Variants in DPY30 observed in about 807,000 individuals in gnomAD.
The protein encoded by DPY30 is dpy-30 histone methyltransferase complex regulatory subunit, also known as protein dpy-30 homolog.
A neutral mutation model predicts 16.2 loss-of-function variants in DPY30; 6 were observed. That is an observed-to-expected ratio of 0.37 (90% CI 0.20 to 0.73). The LOEUF is 0.73. Ranked by LOEUF, DPY30 falls within the 30% of genes least tolerant of loss-of-function variation. DPY30 has a pLI of 0.51. For synonymous variants in DPY30, 39 were observed against 38.8 expected (o/e 1.00, Z -0.02); for missense variants, 73 against 113.1 (o/e 0.65, Z 1.61).
chr2:32,012,627 AG>A (rs1434472712), intron 5 of DPY30, among the ~76,000 whole-genome samples: 2 of 151,814 alleles, frequency 1.3e-5, no homozygotes, highest in Admixed American at 6.6e-5. Context: ...TAGTAGAGAC[AG>A]GGTTTCACCA....
chr2:32,015,825 A>G (rs1296339760), intron 5 of DPY30, among the ~76,000 whole-genome samples: 1 of 151,288 alleles, frequency 6.6e-6, no homozygotes, highest in Non-Finnish European at 1.5e-5. Flanking sequence ...ACTGCAGTCA[A>G]GGCTGACAGA....
chr2:32,035,936 GA>G (rs762915217), intron 3 of DPY30, among the ~76,000 whole-genome samples: 298 of 50,320 alleles, frequency 5.9e-3, no homozygotes, highest in African/African-American at 0.014. Flanking sequence ...CAGTCTCGAA[GA>G]AAAAAAAAAA....
chr2:32,018,123 A>G (rs1675098353), intron 5 of DPY30, among the ~76,000 whole-genome samples: 1 of 152,206 alleles, frequency 6.6e-6, no homozygotes, highest in South Asian at 2.1e-4. Context: ...ATAGCAGGCC[A>G]GAAGGACTAA....
intron 4 of DPY30, among the ~76,000 whole-genome samples, chr2:32,026,905 AT>A (rs1404208996): frequency 6.6e-6 from 1 of 150,644 alleles, no homozygotes; most frequent in East Asian, 2.0e-4. Context: ...AGATATCCAT[AT>A]TTTTTTCCTT....
chr2:32,018,277 T>C (rs1390139677), intron 5 of DPY30, among the ~76,000 whole-genome samples: 1 of 152,210 alleles, frequency 6.6e-6, no homozygotes, highest in Admixed American at 6.5e-5. Flanking sequence ...AACCTTAAGA[T>C]ACTTCCAAAA....
intron 3 of DPY30, among the ~76,000 whole-genome samples, chr2:32,031,711 G>A (rs1675549239): frequency 6.6e-6 from 1 of 152,024 alleles, no homozygotes; most frequent in Non-Finnish European, 1.5e-5. Context: ...TGACCAACAT[G>A]GTGGAACCCT....
intron 3 of DPY30, among the ~76,000 whole-genome samples, chr2:32,038,647 CTTTT>C (rs10679637): frequency 1.8e-5 from 2 of 111,250 alleles, no homozygotes; most frequent in Non-Finnish European, 3.5e-5. Flanking sequence ...TTATTTTTTA[CTTTT>C]TTTTTTTTTT....
chr2:32,029,894 A>C (rs1005756471), intron 3 of DPY30, among the ~76,000 whole-genome samples, 158 bp from the exon 4 acceptor site: 1 of 152,202 alleles, frequency 6.6e-6, no homozygotes, highest in Non-Finnish European at 1.5e-5. Context: ...AAATAAATTC[A>C]GACCCATCTT....
Position 32,023,940 on chromosome 2 carries a change from A to C in DPY30, c.*244T>G. 1.4e-6 allele frequency: 2 copies of C among 1,383,686 alleles called. No individual in the cohort carries two copies. 85.7% of individuals were successfully genotyped at this position (1,383,686 alleles called of 1,614,324 possible). ...ACAGTTTATTTTGAAGGTCATTTTAAAAACAAAGTTAAAGACAATCTGAGA... is the reference window on the plus strand; with the variant it reads ...ACAGTTTATTTTGAAGGTCATTTTACAAACAAAGTTAAAGACAATCTGAGA... On this transcript the variant is annotated 3_prime_UTR_variant, in exon 5 of 5. Coordinates refer to ENST00000342166, the MANE Select transcript of DPY30 (RefSeq NM_001321209.2).
intron 3 of DPY30, among the ~76,000 whole-genome samples, chr2:32,030,536 A>G (rs1675496493): frequency 6.6e-6 from 1 of 151,704 alleles, no homozygotes; most frequent in Admixed American, 6.6e-5. Flanking sequence ...AGGCTGAAGC[A>G]GGAGAATGGC....
chr2:32,016,864 CA>C (rs1675075143), intron 5 of DPY30, among the ~76,000 whole-genome samples: 1 of 152,002 alleles, frequency 6.6e-6, no homozygotes. Flanking sequence ...TATATGACAC[CA>C]AAATATAATA....
At chr2:32,015,707 G>C (rs1675050856) in intron 5 of DPY30, among the ~76,000 whole-genome samples, 1 of 151,958 alleles carries the variant, frequency 6.6e-6, no homozygotes, top group African/African-American at 2.4e-5. Flanking sequence ...TGACATAGTA[G>C]CACGCCCCTG....
At chr2:32,030,445 A>G (rs1458412105) in intron 3 of DPY30, among the ~76,000 whole-genome samples, 1 of 152,014 alleles carries the variant, frequency 6.6e-6, no homozygotes, top group Non-Finnish European at 1.5e-5. Context: ...CCTGGCTAAC[A>G]CAGTGAAACC....
At chr2:32,023,838 G>A, downstream of DPY30, 1 of 1,307,622 alleles carries the variant, frequency 7.6e-7, no homozygotes, top group Non-Finnish European at 1.0e-6. Context: ...AAGAAAAAGA[G>A]AAATTCATAA....
At chr2:32,029,258 T>C (rs533180597) in intron 4 of DPY30, among the ~76,000 whole-genome samples, 1 of 152,256 alleles carries the variant, frequency 6.6e-6, no homozygotes, top group South Asian at 2.1e-4. Flanking sequence ...GCAACAGAGC[T>C]AGATTCTGTT....
intron 3 of DPY30, among the ~76,000 whole-genome samples, chr2:32,032,041 A>C (rs1003961308): frequency 6.6e-6 from 1 of 152,166 alleles, no homozygotes; most frequent in Non-Finnish European, 1.5e-5. Flanking sequence ...AAAAGAGTCG[A>C]CAAAGAAAAA....
chr2:32,018,442 T>C (rs760786460), intron 5 of DPY30, among the ~76,000 whole-genome samples: 2 of 151,962 alleles, frequency 1.3e-5, no homozygotes, highest in Admixed American at 6.6e-5. Context: ...TAAAAAAAAA[T>C]GTCAGCCAGG....
chr2:32,024,769 T>C (rs1176240043), intron 4 of DPY30, among the ~76,000 whole-genome samples: 1 of 152,224 alleles, frequency 6.6e-6, no homozygotes, highest in African/African-American at 2.4e-5. Context: ...CTCAAGTGAT[T>C]AGTCAAAGAA....
intron 5 of DPY30, among the ~76,000 whole-genome samples, chr2:32,016,770 A>G (rs1197744304): frequency 1.3e-5 from 2 of 152,108 alleles, no homozygotes; most frequent in Non-Finnish European, 2.9e-5. Context: ...GTTTTACTCA[A>G]TCTTTGTATT....
Sources: gnomAD v4.1 joint callset for allele counts (sites outside exome capture counted in the v4.1 genomes callset) on GRCh38, gnomAD v4.1.1 for gene constraint, MANE v1.5 for transcripts, NCBI Gene and HGNC (gene_info 2026-07-23, HGNC 2026-07-21) for gene names.